COL8A1: variants seen among roughly 807,000 people sequenced by gnomAD.
COL8A1 encodes the protein collagen alpha-1(VIII) chain.
COL8A1 carries 21 observed loss-of-function variants against 42.7 expected under a neutral mutation model. That is an observed-to-expected ratio of 0.49 (90% CI 0.35 to 0.71). COL8A1 has a LOEUF of 0.71. Among genes scored for constraint, COL8A1 ranks in the 30% least tolerant of loss-of-function variants. The pLI is 0.01. For missense variants in COL8A1, 788 were observed against 962.4 expected, an observed-to-expected ratio of 0.82 and a Z score of 2.40; for synonymous variants, 367 against 369.1, an observed-to-expected ratio of 0.99 and a Z score of 0.06.
chr3:99,765,475 CA>C (rs1425123193), intron 2 of COL8A1, among the ~76,000 whole-genome samples: 1 of 152,178 alleles, frequency 6.6e-6, no homozygotes, highest in East Asian at 1.9e-4. Flanking sequence ...CTGCTGTATC[CA>C]AGATGTTTCA....
chr3:99,642,775 C>CA (rs1163257740), intron 1 of COL8A1, among the ~76,000 whole-genome samples: 1 of 152,104 alleles, frequency 6.6e-6, no homozygotes, highest in African/African-American at 2.4e-5. Flanking sequence ...CTCTCATTAC[C>CA]AAAAATTTCC....
intron 2 of COL8A1, among the ~76,000 whole-genome samples, chr3:99,784,100 G>A (rs920802424): frequency 3.3e-5 from 5 of 152,206 alleles, no homozygotes; most frequent in Non-Finnish European, 7.3e-5. Flanking sequence ...TTGATATTTG[G>A]AAGACAAGAT....
intron 1 of COL8A1, among the ~76,000 whole-genome samples, chr3:99,666,914 A>G (rs1938384377): frequency 6.6e-6 from 1 of 152,178 alleles, no homozygotes; most frequent in African/African-American, 2.4e-5. Flanking sequence ...TTTTCTATCA[A>G]TACAGGACCA....
chr3:99,651,619 G>A (rs1044543194), intron 1 of COL8A1, among the ~76,000 whole-genome samples: 11 of 152,236 alleles, frequency 7.2e-5, no homozygotes, highest in Non-Finnish European at 2.9e-5. Context: ...ACCTGGCAAA[G>A]CCATGAGCAA....
chr3:99,768,531 T>G (rs704577), intron 2 of COL8A1, among the ~76,000 whole-genome samples: 77,938 of 152,130 alleles, frequency 0.51, 20,202 homozygotes, highest in East Asian at 0.67. Context: ...ACCATGAGGG[T>G]CAGAGACAGC....
At position 99,653,140 on chromosome 3, in the gene COL8A1, T is replaced by A. The variant is rs979222918; in HGVS notation, c.-129+14476T>A. On this transcript the variant is annotated intron_variant, in intron 1 of 3. Transcript: ENST00000652472. ...CTAGTCAGAAGGTGCTCAATAAAAG[T>A]TTATTTAATACTAATGAAAACCAAT... is the stretch of plus-strand genomic sequence containing the variant. Among the ~76,000 whole-genome samples, 3 of 152,184 alleles carry A rather than the reference T, an allele frequency of 2.0e-5. 1 individual carries two copies. The highest frequency in any genetic ancestry group is 6.5e-5 in the Admixed American group (1 of 15,274).
chr3:99,767,791 A>G (rs1941492751), intron 2 of COL8A1, among the ~76,000 whole-genome samples: 1 of 152,238 alleles, frequency 6.6e-6, no homozygotes. Context: ...TATAAAAGAC[A>G]AAGCAAATGC....
intron 2 of COL8A1, among the ~76,000 whole-genome samples, chr3:99,779,471 T>C (rs893178972): frequency 3.9e-5 from 6 of 152,196 alleles, no homozygotes; most frequent in Admixed American, 3.9e-4. Flanking sequence ...GGCAACCTGC[T>C]GCTATCACCT....
chr3:99,729,470 A>C (rs1335532003), intron 1 of COL8A1, among the ~76,000 whole-genome samples: 1 of 151,962 alleles, frequency 6.6e-6, no homozygotes, highest in Non-Finnish European at 1.5e-5. Flanking sequence ...ATTTTTTTTA[A>C]AAAAAGAAAA....
chr3:99,683,436 G>A (rs529484513), intron 1 of COL8A1, among the ~76,000 whole-genome samples: 15 of 152,162 alleles, frequency 9.9e-5, no homozygotes, highest in South Asian at 2.1e-4. Context: ...AAACTAAGAC[G>A]TATTTCATTG....
chr3:99,671,954 C>G (rs1470942452), intron 1 of COL8A1, among the ~76,000 whole-genome samples: 1 of 151,842 alleles, frequency 6.6e-6, no homozygotes, highest in Non-Finnish European at 1.5e-5. Flanking sequence ...TAGAATATAC[C>G]CAACCTGCTA....
intron 1 of COL8A1, among the ~76,000 whole-genome samples, chr3:99,723,003 T>TTGTGTG (rs34062497): frequency 0.035 from 5,118 of 147,142 alleles, 119 homozygotes; most frequent in African/African-American, 0.07. Flanking sequence ...GAGACCAAAG[T>TTGTGTG]TGTGTGTGTG....
chr3:99,720,506 A>G (rs1174122687), intron 1 of COL8A1, among the ~76,000 whole-genome samples: 3 of 152,034 alleles, frequency 2.0e-5, no homozygotes, highest in Admixed American at 1.3e-4. Context: ...GCCAATCTGA[A>G]TTTTTCTTTC....
At chr3:99,741,569 G>A (rs1205531295) in intron 1 of COL8A1, among the ~76,000 whole-genome samples, 3 of 152,066 alleles carry the variant, frequency 2.0e-5, no homozygotes, top group Non-Finnish European at 4.4e-5. Flanking sequence ...TCTGGCAACT[G>A]GTTAATTGAA....
chr3:99,685,640 T>A (rs1939026981), intron 1 of COL8A1: 2 of 152,250 alleles, frequency 1.3e-5, no homozygotes, highest in African/African-American at 4.8e-5. Context: ...CTTCTTCTGA[T>A]ACCTTTCCAC....
At chr3:99,653,339 GT>G (rs746844755) in intron 1 of COL8A1, among the ~76,000 whole-genome samples, 44 of 152,190 alleles carry the variant, frequency 2.9e-4, no homozygotes, top group Non-Finnish European at 5.1e-4. Context: ...TGGTGGCAGT[GT>G]AAACTATTTA....
Position 99,795,793 on chromosome 3 carries a change from C to T in COL8A1, c.1892C>T (p.Ala631Val), listed in dbSNP as rs1942095931. 1.2e-6 allele frequency: 2 copies of T among 1,614,150 alleles called. No homozygotes were observed. Among genetic ancestry groups the T allele is most frequent in the Non-Finnish European group, 1.7e-6 (2 of 1,180,016 alleles). Reference protein sequence around the residue: ...ELTAPFPPVGAPVKFNKLLYN... With the variant: ...ELTAPFPPVGVPVKFNKLLYN... ...ACCGCACCTTTCCCACCGGTGGGGG[C>T]CCCAGTGAAGTTTAACAAACTGCTG... is the stretch of plus-strand genomic sequence containing the variant. Residue 631 changes from alanine to valine, a missense_variant, in exon 4 of 4, where the codon GCC (alanine) becomes GTC (valine). By Grantham distance (64) the Ala-to-Val change is moderately conservative (BLOSUM62 0). This residue lies in a region of COL8A1 where 212 missense variants were observed against 210.9 expected (regional missense o/e 1.00). Transcript: ENST00000652472.
intron 1 of COL8A1, among the ~76,000 whole-genome samples, chr3:99,640,489 G>A (rs1937486175): frequency 6.6e-6 from 1 of 152,138 alleles, no homozygotes; most frequent in Non-Finnish European, 1.5e-5. Flanking sequence ...GGGTGGAGGG[G>A]GAAATGCTCC....
intron 1 of COL8A1, among the ~76,000 whole-genome samples, chr3:99,729,824 C>G (rs2107382035): frequency 6.6e-6 from 1 of 152,158 alleles, no homozygotes; most frequent in South Asian, 2.1e-4. Flanking sequence ...ATGTACTACT[C>G]TATGAGAAGG....
Sources: allele counts gnomAD v4.1 joint callset (sites outside exome capture counted in the v4.1 genomes callset), GRCh38; gene constraint gnomAD v4.1.1; regional missense constraint gnomAD v4.1.1; transcripts MANE v1.5; gene names NCBI Gene and HGNC (gene_info 2026-07-23, HGNC 2026-07-21).